Variants in WNT7A observed in about 807,000 individuals in gnomAD.
WNT7A encodes Wnt family member 7A, also known as protein Wnt-7a.
Under a neutral mutation model 28.2 loss-of-function variants are expected in WNT7A, and 16 were observed. The ratio of observed to expected loss-of-function variants is 0.57; its 90% CI spans 0.38 to 0.86. The LOEUF (loss-of-function observed/expected upper bound fraction) is 0.86. WNT7A is among the 40% of genes least tolerant of loss of function. The pLI is 0.00. For synonymous variants in WNT7A, 190 were observed against 195.9 expected, an observed-to-expected ratio of 0.97 and a Z score of 0.25; for missense variants, 411 against 489.7, an observed-to-expected ratio of 0.84 and a Z score of 1.52.
intron 2 of WNT7A, among the ~76,000 whole-genome samples, chr3:13,866,763 C>T (rs534240350): frequency 9.2e-5 from 14 of 152,176 alleles, no homozygotes; most frequent in Admixed American, 3.3e-4. Context: ...AACAGGAAAC[C>T]GCGGGAGGGT....
chr3:13,850,871 C>A lies in WNT7A; in HGVS notation c.570+3661G>T, dbSNP rs147038926. On this transcript the variant is annotated intron_variant, in intron 3 of 3. Coordinates refer to ENST00000285018, the MANE Select transcript of WNT7A (RefSeq NM_004625.4). ...ATGTCTACACGCACTCACAAATGCA[C>A]CCAGAAGGCCCAGGTTCTTCTGGTT... Among the ~76,000 whole-genome samples, 427 of 152,164 alleles carry A rather than the reference C, an allele frequency of 2.8e-3. 5 individuals are homozygous for A. The highest frequency in any genetic ancestry group is 0.01 in the Middle Eastern group (3 of 294).
intron 3 of WNT7A, 74 bp from the exon 4 acceptor site, chr3:13,819,497 C>G (rs1694077706): frequency 6.6e-7 from 1 of 1,518,552 alleles, no homozygotes; most frequent in Non-Finnish European, 8.8e-7. Flanking sequence ...CCAGCTCCCC[C>G]CCGCCCCCCA....
Position 13,832,694 on chromosome 3 carries a change from G to T in WNT7A, c.571-13271C>A, listed in dbSNP as rs1312455031. Among the ~76,000 whole-genome samples the T allele has an allele frequency of 4.6e-5, 7 of 150,950 alleles. No homozygotes were observed. In the East Asian group the frequency reaches 1.4e-3, roughly 29 times the overall value. On this transcript the variant is annotated intron_variant, in intron 3 of 3. Transcript: ENST00000285018. ...TAAACATTTGAGGTATTTTCTTTTT[G>T]GTGCATTCTTTAAGTCATTCTGGAT...
At chr3:13,858,308 C>A (rs951156466) in intron 2 of WNT7A, among the ~76,000 whole-genome samples, 1 of 152,196 alleles carries the variant, frequency 6.6e-6, no homozygotes, top group East Asian at 1.9e-4. Flanking sequence ...AAAGACTGGC[C>A]CCTCTCCCTT....
At chr3:13,870,872 T>C (rs777247171) in intron 2 of WNT7A, among the ~76,000 whole-genome samples, 30 of 152,238 alleles carry the variant, frequency 2.0e-4, no homozygotes, top group Non-Finnish European at 4.4e-4. Context: ...TCCTTAGGCA[T>C]ACATAAGTCC....
At chr3:13,854,846 C>A (rs1409529160) in intron 2 of WNT7A, 43 bp from the exon 3 acceptor site, 1 of 1,608,484 alleles carries the variant, frequency 6.2e-7, no homozygotes, top group South Asian at 1.1e-5. Flanking sequence ...GGTCAGGTCC[C>A]AAGCATCTGA....
At position 13,816,916 on chromosome 3, in the gene WNT7A, C is replaced by A. The variant is rs1694012856; in HGVS notation, c.*2028G>T. 6.6e-6 allele frequency: 1 copy of A among 152,304 alleles called. No homozygotes were observed. Among genetic ancestry groups the A allele is most frequent in the South Asian group, 2.1e-4 (1 of 4,816 alleles). 9.4% of individuals were successfully genotyped at this position (152,304 alleles called of 1,614,324 possible). On this transcript the variant is annotated 3_prime_UTR_variant, in exon 4 of 4. Transcript: ENST00000285018. The stretch of plus-strand genomic sequence containing the variant: ...ATTCACTCCATGGCCCCTTCACATG[C>A]CCACTCCTCCAGACACCCAAGTAAA...
At chr3:13,836,488 T>A (rs1360569424) in intron 3 of WNT7A, among the ~76,000 whole-genome samples, 1 of 152,216 alleles carries the variant, frequency 6.6e-6, no homozygotes, top group Admixed American at 6.5e-5. Context: ...GTGTCTGCTA[T>A]TTTAAAAAGC....
intron 3 of WNT7A, 43 bp from the exon 4 acceptor site, chr3:13,819,466 C>A: frequency 6.3e-7 from 1 of 1,598,142 alleles, no homozygotes; most frequent in Non-Finnish European, 8.5e-7. Flanking sequence ...GGTCACTGCA[C>A]GCCAAGGCCA....
intron 3 of WNT7A, among the ~76,000 whole-genome samples, chr3:13,832,487 T>C (rs996758246): frequency 1.3e-5 from 2 of 151,158 alleles, no homozygotes; most frequent in Non-Finnish European, 2.9e-5. Flanking sequence ...CTCCTCCCCC[T>C]CCTCAGGCTC....
At chr3:13,878,964 C>T (rs1229916778) in intron 1 of WNT7A, among the ~76,000 whole-genome samples, 1 of 152,160 alleles carries the variant, frequency 6.6e-6, no homozygotes, top group African/African-American at 2.4e-5. Flanking sequence ...TCCACAGAAA[C>T]GCTAGGTGAA....
At chr3:13,821,114 G>T (rs79378367) in intron 3 of WNT7A, among the ~76,000 whole-genome samples, 2,841 of 152,344 alleles carry the variant, frequency 0.019, 91 homozygotes, top group African/African-American at 0.065. Context: ...CTGCCTTACT[G>T]CCTTGGCTTA....
chr3:13,878,321 C>T (rs1204234837), intron 1 of WNT7A, among the ~76,000 whole-genome samples: 10 of 152,210 alleles, frequency 6.6e-5, no homozygotes, highest in Non-Finnish European at 1.2e-4. Context: ...GCACGCGGCC[C>T]GAGTCAATCG....
intron 2 of WNT7A, among the ~76,000 whole-genome samples, chr3:13,856,945 AAGAAGAAGAAGAAGAAGAAGAAGG>A (rs1694749694): frequency 5.2e-5 from 6 of 114,370 alleles, no homozygotes; most frequent in African/African-American, 2.2e-4. Flanking sequence ...GAAGAAGAAG[AAGAAGAAGAAGAAGAAGAAGAAGG>A]AGAAGAAGAA....
intron 3 of WNT7A, among the ~76,000 whole-genome samples, chr3:13,853,144 C>T (rs1694666600): frequency 6.6e-6 from 1 of 152,184 alleles, no homozygotes; most frequent in South Asian, 2.1e-4. Flanking sequence ...TCCATTCACT[C>T]CATACATATT....
chr3:13,827,899 C>A (rs147965437), intron 3 of WNT7A, among the ~76,000 whole-genome samples: 2 of 152,260 alleles, frequency 1.3e-5, no homozygotes, highest in East Asian at 3.9e-4. Flanking sequence ...GGAATGTGCC[C>A]CCATTCATCT....
intron 2 of WNT7A, among the ~76,000 whole-genome samples, chr3:13,868,813 A>AGG (rs1694973009): frequency 2.9e-5 from 1 of 34,292 alleles, no homozygotes; most frequent in Non-Finnish European, 5.5e-5. Flanking sequence ...AGAAAGAAAG[A>AGG]GAGAGAGAGA....
At chr3:13,876,850 C>G (rs1015761554) in intron 1 of WNT7A, 1 of 152,248 alleles carries the variant, frequency 6.6e-6, no homozygotes, top group Admixed American at 6.5e-5. Context: ...GGGCTCCTCC[C>G]TCCCCTCCCT....
intron 3 of WNT7A, among the ~76,000 whole-genome samples, chr3:13,847,262 A>T (rs1694552222): frequency 6.6e-6 from 1 of 152,084 alleles, no homozygotes; most frequent in South Asian, 2.1e-4. Flanking sequence ...TGGCCTGGTC[A>T]TCCCACTAAG....
Sources: allele counts gnomAD v4.1 joint callset (sites outside exome capture counted in the v4.1 genomes callset), GRCh38; gene constraint gnomAD v4.1.1; transcripts MANE v1.5; gene names NCBI Gene and HGNC (gene_info 2026-07-23, HGNC 2026-07-21).